The following CDH13 variants were observed in gnomAD, a reference collection of about 807,000 sequenced individuals.
The protein encoded by CDH13 is cadherin-13.
A neutral mutation model predicts 63.8 loss-of-function variants in CDH13; 24 were observed. The ratio of observed to expected loss-of-function variants is 0.38; its 90% CI spans 0.27 to 0.53. The LOEUF (loss-of-function observed/expected upper bound fraction) is 0.53. Ranked by LOEUF, CDH13 falls within the 20% of genes least tolerant of loss-of-function variation. The pLI is 0.85. For synonymous variants in CDH13, 503 were observed against 355.3 expected (o/e 1.42, Z -4.67); for missense variants, 1,049 against 903.1 (o/e 1.16, Z -2.07).
chr16:83,308,299 C>G (rs977318161), intron 5 of CDH13, among the ~76,000 whole-genome samples: 1 of 152,086 alleles, frequency 6.6e-6, no homozygotes, highest in Non-Finnish European at 1.5e-5. Context: ...TGAAGGGGTT[C>G]ATTAGCAAGA....
At chr16:83,459,115 A>G (rs770292503) in intron 6 of CDH13, among the ~76,000 whole-genome samples, 23 of 152,228 alleles carry the variant, frequency 1.5e-4, no homozygotes, top group Non-Finnish European at 1.5e-4. Flanking sequence ...TGGTTTTTAA[A>G]TATGGCAAAA....
intron 1 of CDH13, among the ~76,000 whole-genome samples, chr16:82,764,838 G>A (rs1465565502): frequency 6.8e-6 from 1 of 147,080 alleles, no homozygotes; most frequent in Admixed American, 6.7e-5. Context: ...TTTTGAGATG[G>A]AGTTTCACTC....
At chr16:83,298,047 C>CAAAAAAAAAAAAA (rs71382871) in intron 5 of CDH13, among the ~76,000 whole-genome samples, 1 of 99,766 alleles carries the variant, frequency 1.0e-5, no homozygotes, top group Non-Finnish European at 2.1e-5. Context: ...CTTGTTTCTA[C>CAAAAAAAAAAAAA]AAAAAAAAAA....
chr16:83,683,941 G>A (rs1266909762), intron 10 of CDH13, among the ~76,000 whole-genome samples: 1 of 152,190 alleles, frequency 6.6e-6, no homozygotes. Context: ...GTCGTCTCCA[G>A]GTGAGATGAT....
intron 6 of CDH13, 143 bp downstream of exon 6, chr16:83,345,149 C>G (rs756277532): frequency 4.4e-6 from 4 of 915,294 alleles, no homozygotes; most frequent in Non-Finnish European, 4.8e-6. Context: ...GCGTAGAAGC[C>G]AGGTTGGAAA....
chr16:83,785,369 G>A (rs1288828372), intron 13 of CDH13, among the ~76,000 whole-genome samples: 1 of 152,036 alleles, frequency 6.6e-6, no homozygotes, highest in Non-Finnish European at 1.5e-5. Context: ...AGCTCTCTGG[G>A]GCATCTCATC....
At chr16:83,677,449 G>C (rs138010864) in intron 9 of CDH13, among the ~76,000 whole-genome samples, 21 of 152,248 alleles carry the variant, frequency 1.4e-4, no homozygotes, top group African/African-American at 5.1e-4. Context: ...CCCCCGCCCG[G>C]CAAATGGTTG....
intron 5 of CDH13, among the ~76,000 whole-genome samples, chr16:83,261,437 T>G (rs1277885060): frequency 1.3e-5 from 2 of 152,092 alleles, no homozygotes; most frequent in African/African-American, 4.8e-5. Flanking sequence ...GCTCCTGGCA[T>G]CTGGTAGGTA....
chr16:82,750,056 G>A (rs77248170), intron 1 of CDH13, among the ~76,000 whole-genome samples: 2,302 of 152,216 alleles, frequency 0.015, 58 homozygotes, highest in African/African-American at 0.053. Flanking sequence ...AACAGTCCAT[G>A]GAGGAGTTGC....
chr16:82,682,364 A>G (rs1308249843), intron 1 of CDH13, among the ~76,000 whole-genome samples: 2 of 152,178 alleles, frequency 1.3e-5, no homozygotes, highest in Non-Finnish European at 2.9e-5. Flanking sequence ...GAAAGTTTTC[A>G]TTGAAAAACA....
At chr16:83,504,273 C>G (rs1459175627) in intron 7 of CDH13, among the ~76,000 whole-genome samples, 5 of 152,212 alleles carry the variant, frequency 3.3e-5, no homozygotes, top group Non-Finnish European at 5.9e-5. Flanking sequence ...TGTTCACAAC[C>G]TCCAGCCCCT....
intron 3 of CDH13, among the ~76,000 whole-genome samples, chr16:83,089,308 G>T (rs143581720): frequency 1.1e-3 from 172 of 152,296 alleles, no homozygotes; most frequent in African/African-American, 3.9e-3. Context: ...ACTTTATAAA[G>T]ATATTTTACG....
At position 82,653,808 on chromosome 16, in the gene CDH13, G is replaced by A. The variant is rs78559427; in HGVS notation, c.45+26671G>A. On this transcript the variant is annotated intron_variant, in intron 1 of 13. Transcript: ENST00000567109. ...TGATCAGCATGCTTGTGCCTGCACC[G>A]GGGCGCAGGATGGGAGACAGATGCC... Among the ~76,000 whole-genome samples, 3,153 of 152,290 alleles carry A rather than the reference G, an allele frequency of 0.021. 219 individuals carry two copies. The East Asian group carries it at 0.24, about 11-fold the overall frequency.
intron 6 of CDH13, among the ~76,000 whole-genome samples, chr16:83,438,447 G>A (rs747493651): frequency 2.6e-5 from 4 of 152,222 alleles, no homozygotes; most frequent in Non-Finnish European, 5.9e-5. Context: ...ACAGACAATA[G>A]CACCTAGGGC....
intron 6 of CDH13, among the ~76,000 whole-genome samples, chr16:83,449,373 G>T (rs79899163): frequency 5.3e-5 from 8 of 152,224 alleles, no homozygotes; most frequent in South Asian, 2.1e-4. Flanking sequence ...GTCCCTGTCC[G>T]CTGGGCAAAG....
At chr16:83,260,218 G>A (rs1906819966) in intron 5 of CDH13, among the ~76,000 whole-genome samples, 1 of 150,992 alleles carries the variant, frequency 6.6e-6, no homozygotes, top group Non-Finnish European at 1.5e-5. Flanking sequence ...ACTGTCGCTT[G>A]TTACTTAAAA....
intron 2 of CDH13, among the ~76,000 whole-genome samples, chr16:82,960,148 G>A (rs1202997511): frequency 1.3e-5 from 2 of 152,180 alleles, no homozygotes. Context: ...TCAGAAGGGA[G>A]CCTCTGCAGT....
At chr16:82,843,111 C>T (rs1018000658) in intron 1 of CDH13, among the ~76,000 whole-genome samples, 2 of 152,214 alleles carry the variant, frequency 1.3e-5, no homozygotes, top group African/African-American at 4.8e-5. Flanking sequence ...AGATTACTAA[C>T]TCCACCCTTA....
chr16:82,702,121 C>G (rs1272193734), intron 1 of CDH13, among the ~76,000 whole-genome samples: 2 of 152,190 alleles, frequency 1.3e-5, no homozygotes, highest in Non-Finnish European at 2.9e-5. Context: ...TAAATGGCTC[C>G]TTTTCTGTGT....
Sources: allele counts gnomAD v4.1 joint callset (sites outside exome capture counted in the v4.1 genomes callset), GRCh38; gene constraint gnomAD v4.1.1; transcripts MANE v1.5; gene names NCBI Gene and HGNC (gene_info 2026-07-23, HGNC 2026-07-21).